PRSS23: variants seen among roughly 807,000 people sequenced by gnomAD.
The protein encoded by PRSS23 is serine protease 23.
In PRSS23, 25 loss-of-function variants were observed where a neutral mutation model predicts 34.7. The ratio of observed to expected loss-of-function variants is 0.72; its 90% confidence interval spans 0.53 to 1.01. The LOEUF is 1.01. PRSS23 is among the 50% of genes least tolerant of loss of function. The probability of loss-of-function intolerance (pLI) is 0.00; values close to 1 mark genes in which losing one functional copy is unlikely to be tolerated. For synonymous variants in PRSS23, 176 were observed against 186.6 expected (o/e 0.94, Z 0.46); for missense variants, 445 against 475.6 (o/e 0.94, Z 0.60).
intron 2 of PRSS23, among the ~76,000 whole-genome samples, chr11:86,853,242 C>CTTTTTTTTT (rs561682096): frequency 6.3e-5 from 3 of 47,792 alleles, no homozygotes; most frequent in African/African-American, 2.6e-4. Flanking sequence ...AAGTGCCTGC[C>CTTTTTTTTT]TTTTTTTTTT....
chr11:86,858,231 G>T (rs1948586662), intron 2 of PRSS23, among the ~76,000 whole-genome samples: 1 of 152,010 alleles, frequency 6.6e-6, no homozygotes, highest in Non-Finnish European at 1.5e-5. Context: ...TCTAGGTGTA[G>T]AGAGCATAAT....
intron 1 of PRSS23, among the ~76,000 whole-genome samples, chr11:86,822,258 G>A (rs1427099737): frequency 6.6e-6 from 1 of 152,202 alleles, no homozygotes; most frequent in African/African-American, 2.4e-5. Context: ...GGGGAGGAAT[G>A]ACCACCATCT....
At chr11:86,895,188 G>C (rs1347459739) in intron 2 of PRSS23, among the ~76,000 whole-genome samples, 1 of 152,180 alleles carries the variant, frequency 6.6e-6, no homozygotes, top group Non-Finnish European at 1.5e-5. Flanking sequence ...ACCCAGGACA[G>C]TATGGCATAT....
chr11:86,854,562 G>T (rs1177504998), intron 2 of PRSS23, among the ~76,000 whole-genome samples: 1 of 152,090 alleles, frequency 6.6e-6, no homozygotes, highest in African/African-American at 2.4e-5. Context: ...TATGCTTTTG[G>T]TGTCTTATCC....
chr11:86,885,930 T>A (rs1413449934), intron 2 of PRSS23, among the ~76,000 whole-genome samples: 1 of 152,240 alleles, frequency 6.6e-6, no homozygotes, highest in Non-Finnish European at 1.5e-5. Context: ...CAATTTATTA[T>A]GTTCTTGCTT....
intron 1 of PRSS23, among the ~76,000 whole-genome samples, chr11:86,802,751 G>A (rs955474621): frequency 2.6e-5 from 4 of 152,156 alleles, no homozygotes; most frequent in Admixed American, 2.0e-4. Context: ...TCAAACAGTG[G>A]CCCTCTTGAG....
intron 2 of PRSS23, among the ~76,000 whole-genome samples, chr11:86,928,677 A>G: frequency 1.8e-5 from 1 of 54,506 alleles, no homozygotes; most frequent in Non-Finnish European, 5.6e-5. Flanking sequence ...TCTGTCTCAA[A>G]AAAAAAAAAA....
intron 2 of PRSS23, among the ~76,000 whole-genome samples, chr11:86,873,248 A>ACATATATGTGTG (rs1555077249): frequency 5.6e-5 from 3 of 53,420 alleles, no homozygotes; most frequent in Admixed American, 2.1e-4. Flanking sequence ...ACACACACAC[A>ACATATATGTGTG]TATATATGTA....
At chr11:86,892,577 T>G (rs893014723) in intron 2 of PRSS23, among the ~76,000 whole-genome samples, 1 of 152,202 alleles carries the variant, frequency 6.6e-6, no homozygotes, top group Non-Finnish European at 1.5e-5. Context: ...GAAAACCATG[T>G]GTTTGGAATT....
At chr11:86,850,714 A>G (rs1298606888) in intron 2 of PRSS23, among the ~76,000 whole-genome samples, 1 of 152,124 alleles carries the variant, frequency 6.6e-6, no homozygotes, top group East Asian at 1.9e-4. Flanking sequence ...GATCTTATCT[A>G]TGCTCCCAAT....
At chr11:86,794,663 T>C (rs918996103) in intron 1 of PRSS23, among the ~76,000 whole-genome samples, 6 of 152,210 alleles carry the variant, frequency 3.9e-5, no homozygotes, top group Non-Finnish European at 1.5e-5. Flanking sequence ...GAGTAATCTA[T>C]ACTTAACAAA....
At chr11:86,898,452 C>T (rs1948891030) in intron 2 of PRSS23, among the ~76,000 whole-genome samples, 1 of 152,108 alleles carries the variant, frequency 6.6e-6, no homozygotes, top group African/African-American at 2.4e-5. Flanking sequence ...ATCAGAATGC[C>T]AAGGACTCAT....
intron 2 of PRSS23, among the ~76,000 whole-genome samples, chr11:86,923,968 A>T (rs1949063594): frequency 6.6e-6 from 1 of 152,218 alleles, no homozygotes; most frequent in Non-Finnish European, 1.5e-5. Context: ...ATATCATCAG[A>T]ATCATTGTAA....
At chr11:86,849,093 T>C (rs1357575650) in intron 2 of PRSS23, among the ~76,000 whole-genome samples, 1 of 152,170 alleles carries the variant, frequency 6.6e-6, no homozygotes, top group Non-Finnish European at 1.5e-5. Context: ...TGCCAGCTCA[T>C]GCAATCACCC....
intron 2 of PRSS23, among the ~76,000 whole-genome samples, chr11:86,889,321 C>T (rs7107991): frequency 0.19 from 28,600 of 152,054 alleles, 3,332 homozygotes; most frequent in African/African-American, 0.34. Context: ...TTAGTCTGTT[C>T]CTATGGCAGT....
intron 2 of PRSS23, among the ~76,000 whole-genome samples, chr11:86,826,607 C>T (rs1038541320): frequency 1.3e-5 from 2 of 152,206 alleles, no homozygotes; most frequent in African/African-American, 4.8e-5. Context: ...TCTGCCCATT[C>T]AGTATGATAT....
At chr11:86,937,732 C>G (rs1949174138) in intron 2 of PRSS23, 1 of 152,196 alleles carries the variant, frequency 6.6e-6, no homozygotes, top group South Asian at 2.1e-4. Context: ...AAGAAATAAC[C>G]ATAAAAATAG....
chr11:86,853,613 GC>G (rs1250314378), intron 2 of PRSS23, among the ~76,000 whole-genome samples: 2 of 152,110 alleles, frequency 1.3e-5, no homozygotes, highest in African/African-American at 4.8e-5. Flanking sequence ...ACTGCAGTGT[GC>G]TTTTTCATTC....
chr11:86,929,008 C>A (rs1949104303), intron 2 of PRSS23, among the ~76,000 whole-genome samples: 1 of 151,896 alleles, frequency 6.6e-6, no homozygotes, highest in Admixed American at 6.6e-5. Context: ...CCATGGAAAG[C>A]AATTTGTCAA....
Sources: allele counts gnomAD v4.1 joint callset (sites outside exome capture counted in the v4.1 genomes callset), GRCh38; gene constraint gnomAD v4.1.1; transcripts MANE v1.5; gene names NCBI Gene and HGNC (gene_info 2026-07-23, HGNC 2026-07-21).